Variants in IL1RAPL1 observed in about 807,000 individuals in gnomAD.
IL1RAPL1 encodes interleukin-1 receptor accessory protein-like 1.
In IL1RAPL1, 3 loss-of-function variants were observed where a neutral mutation model predicts 48.4. The observed-to-expected ratio is 0.06, with a 90% CI of 0.03 to 0.16. The LOEUF is 0.16. IL1RAPL1 is among the 10% of genes least tolerant of loss of function. The pLI is 1.00. For synonymous variants in IL1RAPL1, 185 were observed against 187.7 expected (o/e 0.99, Z 0.12); for missense variants, 349 against 530.6 (o/e 0.66, Z 3.36).
intron 2 of IL1RAPL1, among the ~76,000 whole-genome samples, chrX:28,909,561 C>A (rs953440217): frequency 1.6e-4 from 18 of 111,398 alleles, no homozygotes; most frequent in Admixed American, 2.9e-4. Context: ...CTGAACCTTA[C>A]TCAGATGATT....
chrX:29,046,829 A>C (rs756528986), intron 2 of IL1RAPL1, among the ~76,000 whole-genome samples: 1 of 112,319 alleles, frequency 8.9e-6, no homozygotes, highest in Admixed American at 9.4e-5. Context: ...ACCCATAATC[A>C]TTCATCAGCT....
chrX:29,039,285 A>G (rs1001553181), intron 2 of IL1RAPL1, among the ~76,000 whole-genome samples: 1 of 109,968 alleles, frequency 9.1e-6, no homozygotes, highest in Non-Finnish European at 1.9e-5. Context: ...AGTCTGTTAT[A>G]AAAAAAAAGC....
chrX:28,709,765 A>G (rs1935418603), intron 1 of IL1RAPL1, among the ~76,000 whole-genome samples: 1 of 111,415 alleles, frequency 9.0e-6, no homozygotes. Flanking sequence ...AGGTTAGTTG[A>G]TGGTAGGTGG....
chrX:29,577,505 C>A (rs745882199), intron 5 of IL1RAPL1, among the ~76,000 whole-genome samples: 23 of 111,704 alleles, frequency 2.1e-4, no homozygotes, highest in Non-Finnish European at 1.1e-4. Flanking sequence ...AATTAAACTT[C>A]CCTTTCGCTC....
intron 2 of IL1RAPL1, among the ~76,000 whole-genome samples, chrX:28,824,985 G>T (rs4893591): frequency 0.049 from 5,494 of 111,160 alleles, 209 homozygotes; most frequent in African/African-American, 0.13. Flanking sequence ...GTTATGAAGG[G>T]TATGCAGATG....
rs1275529569 is a variant in IL1RAPL1, at chrX:28,978,140, A to G, written c.82+188715A>G. Among the ~76,000 whole-genome samples the G allele has an allele frequency of 1.4e-4, 16 of 111,796 alleles. No homozygotes were observed. In the Admixed American group the frequency reaches 1.5e-3, roughly 11 times the overall value. Reference sequence around the variant, plus strand: ...CAGGAATGACCCAGAAGAGAGGAAGAAATTGGTGATGCAGGAGAGAGTGGA... The same window carrying G: ...CAGGAATGACCCAGAAGAGAGGAAGGAATTGGTGATGCAGGAGAGAGTGGA... On this transcript the variant is annotated intron_variant, in intron 2 of 10. Transcript: ENST00000378993.
rs764944065 is a variant in IL1RAPL1 at position 29,778,519 on chromosome X, G to A, written c.778+110015G>A. Among the ~76,000 whole-genome samples, 250 of 111,864 alleles carry A rather than the reference G, an allele frequency of 2.2e-3. 2 individuals carry two copies. The highest frequency in any genetic ancestry group is 7.9e-3 in the African/African-American group (245 of 30,828). The stretch of plus-strand genomic sequence containing the variant: ...TCCAATCTACCGCAGTCCCTGCCTG[G>A]CACATAAGTGATCAACAAATATTTT... On this transcript the variant is annotated intron_variant, in intron 6 of 10. Transcript: ENST00000378993.
chrX:29,503,614 C>T (rs762672994), intron 5 of IL1RAPL1, among the ~76,000 whole-genome samples: 22 of 111,254 alleles, frequency 2.0e-4, no homozygotes, highest in Admixed American at 1.8e-3. Context: ...ATTCATTGAT[C>T]ATTCCAGAGC....
intron 3 of IL1RAPL1, among the ~76,000 whole-genome samples, chrX:29,351,772 T>A (rs1440768807): frequency 8.9e-6 from 1 of 112,047 alleles, no homozygotes; most frequent in Non-Finnish European, 1.9e-5. Flanking sequence ...TCCATGGGCT[T>A]GGTGTTCTTA....
intron 9 of IL1RAPL1, among the ~76,000 whole-genome samples, chrX:29,943,319 T>C (rs940845138): frequency 8.9e-6 from 1 of 111,950 alleles, no homozygotes; most frequent in African/African-American, 3.2e-5. Flanking sequence ...GCACCAAGCA[T>C]AGTGCTAGGC....
chrX:29,596,160 G>A (rs1339319381), intron 5 of IL1RAPL1, among the ~76,000 whole-genome samples: 1 of 111,727 alleles, frequency 9.0e-6, no homozygotes, highest in Non-Finnish European at 1.9e-5. Context: ...AAATCGGGTA[G>A]TGTGATGCCT....
intron 3 of IL1RAPL1, among the ~76,000 whole-genome samples, chrX:29,299,056 G>A (rs1319534202): frequency 9.3e-6 from 1 of 108,031 alleles, no homozygotes; most frequent in Non-Finnish European, 1.9e-5. Context: ...TATAAAGCAG[G>A]CAGAAAAAAA....
Position 29,338,921 on chromosome X carries a change from C to T in IL1RAPL1, c.362+55704C>T, listed in dbSNP as rs182699766. ...ATGACATGCTTTGATCACACGCCCA[C>T]GCTGGAATCAACCCTAGTGGCTAAG... is the stretch of plus-strand genomic sequence containing the variant. On this transcript the variant is annotated intron_variant, in intron 3 of 10. Coordinates refer to ENST00000378993, the MANE Select transcript of IL1RAPL1 (RefSeq NM_014271.4). 2.2e-4 allele frequency among the ~76,000 whole-genome samples: 24 copies of T among 110,733 alleles called. 1 individual carries two copies. Among genetic ancestry groups the T allele is most frequent in the East Asian group, 1.1e-3 (4 of 3,530 alleles).
chrX:28,615,315 G>C (rs1220853740), intron 1 of IL1RAPL1, among the ~76,000 whole-genome samples: 1 of 100,843 alleles, frequency 9.9e-6, no homozygotes, highest in Non-Finnish European at 2.0e-5. Flanking sequence ...TTAGTACAGT[G>C]TAGTATAGTG....
intron 2 of IL1RAPL1, among the ~76,000 whole-genome samples, chrX:28,806,997 A>T (rs1936740857): frequency 9.0e-6 from 1 of 111,171 alleles, no homozygotes; most frequent in South Asian, 3.7e-4. Context: ...ATTGTCTGAG[A>T]TGAGACTATC....
intron 5 of IL1RAPL1, among the ~76,000 whole-genome samples, chrX:29,554,269 A>G (rs183468606): frequency 9.0e-6 from 1 of 111,158 alleles, no homozygotes; most frequent in African/African-American, 3.3e-5. Context: ...TTTAGGTCCT[A>G]AAAGCAACTT....
At chrX:29,803,358 T>C (rs1253837431) in intron 6 of IL1RAPL1, among the ~76,000 whole-genome samples, 21 of 84,922 alleles carry the variant, frequency 2.5e-4, no homozygotes, top group South Asian at 2.3e-3. Context: ...TGTATACATG[T>C]ATACACATAT....
chrX:28,851,530 A>C (rs1310069492), intron 2 of IL1RAPL1, among the ~76,000 whole-genome samples: 1 of 111,764 alleles, frequency 8.9e-6, no homozygotes, highest in Non-Finnish European at 1.9e-5. Flanking sequence ...TTTCAATTTT[A>C]TTAAAAACAT....
chrX:28,611,654 C>T (rs1461003033), intron 1 of IL1RAPL1, among the ~76,000 whole-genome samples: 2 of 112,973 alleles, frequency 1.8e-5, no homozygotes, highest in African/African-American at 6.4e-5. Context: ...CTGCTTTAAA[C>T]ACAAAATGTG....
Sources: gnomAD v4.1 joint callset for allele counts (sites outside exome capture counted in the v4.1 genomes callset) on GRCh38, gnomAD v4.1.1 for gene constraint, MANE v1.5 for transcripts, NCBI Gene and HGNC (gene_info 2026-07-23, HGNC 2026-07-21) for gene names.